ARB2A: variants seen among roughly 807,000 people sequenced by gnomAD.
ARB2A encodes cotranscriptional regulator ARB2A.
At chr5:93,767,997 A>G in the ARB2A span, among the ~76,000 whole-genome samples, 47 of 131,914 alleles carry the variant, frequency 3.6e-4, no homozygotes, top group Middle Eastern at 3.7e-3. Context: ...CCATCTCAAA[A>G]AAAAAAAAAA....
At chr5:94,027,318 A>G in the ARB2A span, among the ~76,000 whole-genome samples, 207 of 152,326 alleles carry the variant, frequency 1.4e-3, no homozygotes, top group African/African-American at 4.9e-3. Flanking sequence ...GCTGGCAGGA[A>G]GCCCTTAGGT....
At chr5:93,633,751 T>G in the ARB2A span, among the ~76,000 whole-genome samples, 1 of 152,200 alleles carries the variant, frequency 6.6e-6, no homozygotes, top group Non-Finnish European at 1.5e-5. Flanking sequence ...TATAATAAAG[T>G]TTTTGAAGGT....
the ARB2A span, among the ~76,000 whole-genome samples, chr5:93,858,017 G>T: frequency 3.3e-5 from 5 of 152,154 alleles, no homozygotes; most frequent in Non-Finnish European, 5.9e-5. Context: ...TAATGGCTAT[G>T]ATTTATTACT....
At chr5:93,721,627 G>C in the ARB2A span, among the ~76,000 whole-genome samples, 2 of 152,108 alleles carry the variant, frequency 1.3e-5, no homozygotes, top group Non-Finnish European at 2.9e-5. Context: ...AAATTATATA[G>C]CTGTGTTTCC....
the ARB2A span, among the ~76,000 whole-genome samples, chr5:93,887,719 CT>C: frequency 2.0e-5 from 3 of 151,860 alleles, no homozygotes; most frequent in Middle Eastern, 6.8e-3. Context: ...CATAAAAGTC[CT>C]TCTGAATAAC....
the ARB2A span, among the ~76,000 whole-genome samples, chr5:93,768,273 C>T: frequency 6.6e-6 from 1 of 151,050 alleles, no homozygotes; most frequent in East Asian, 2.0e-4. Flanking sequence ...GATGGGTGCA[C>T]CAAAACCTCA....
At chr5:93,621,985 T>G in the ARB2A span, among the ~76,000 whole-genome samples, 1 of 152,192 alleles carries the variant, frequency 6.6e-6, no homozygotes, top group Non-Finnish European at 1.5e-5. Flanking sequence ...TTACTACGGC[T>G]TCTCTCTGTG....
At chr5:93,898,753 T>C in the ARB2A span, among the ~76,000 whole-genome samples, 1 of 152,198 alleles carries the variant, frequency 6.6e-6, no homozygotes, top group Admixed American at 6.6e-5. Flanking sequence ...TGAGAAATTA[T>C]ATAATCTGCA....
the ARB2A span, among the ~76,000 whole-genome samples, chr5:93,986,962 T>A: frequency 8.2e-4 from 125 of 152,144 alleles, no homozygotes; most frequent in Middle Eastern, 3.4e-3. Flanking sequence ...ACTATTGTCC[T>A]ATGACCCTGC....
At chr5:93,975,240 C>T in the ARB2A span, among the ~76,000 whole-genome samples, 1 of 150,786 alleles carries the variant, frequency 6.6e-6, no homozygotes, top group African/African-American at 2.4e-5. Context: ...TCCTGTGAAC[C>T]CGGGAGGCGG....
the ARB2A span, chr5:93,739,121 C>G: frequency 6.6e-6 from 1 of 152,146 alleles, no homozygotes; most frequent in Non-Finnish European, 1.5e-5. Flanking sequence ...CTGCCTTGGT[C>G]TCCCAAAGTG....
chr5:93,653,183 TG>T, the ARB2A span, among the ~76,000 whole-genome samples: 2 of 152,052 alleles, frequency 1.3e-5, no homozygotes, highest in African/African-American at 4.8e-5. Context: ...TTGAATATTT[TG>T]GTACAACTTA....
At chr5:93,928,033 T>C in the ARB2A span, among the ~76,000 whole-genome samples, 5 of 152,038 alleles carry the variant, frequency 3.3e-5, no homozygotes, top group African/African-American at 1.2e-4. Context: ...CAACTTTTAG[T>C]CCAGCAGGAA....
At chr5:94,066,441 C>A in the ARB2A span, among the ~76,000 whole-genome samples, 1 of 150,610 alleles carries the variant, frequency 6.6e-6, no homozygotes, top group South Asian at 2.1e-4. Flanking sequence ...CACACACACA[C>A]ACACACACAC....
chr5:93,695,130 C>A, the ARB2A span, among the ~76,000 whole-genome samples: 32 of 152,204 alleles, frequency 2.1e-4, 1 homozygote, highest in African/African-American at 7.2e-4. Flanking sequence ...CAGGCATGAA[C>A]AAAGACTTCA....
At chr5:93,629,577 G>A in the ARB2A span, among the ~76,000 whole-genome samples, 41 of 152,164 alleles carry the variant, frequency 2.7e-4, no homozygotes, top group Middle Eastern at 6.8e-3. Context: ...GCTTAGAATA[G>A]GGAATATCAA....
the ARB2A span, among the ~76,000 whole-genome samples, chr5:93,907,299 A>G: frequency 7.9e-5 from 12 of 151,574 alleles, no homozygotes; most frequent in African/African-American, 2.7e-4. Flanking sequence ...AGTTACAGAA[A>G]TAAAATCCAA....
the ARB2A span, among the ~76,000 whole-genome samples, chr5:93,688,553 T>G: frequency 6.6e-6 from 1 of 152,194 alleles, no homozygotes; most frequent in African/African-American, 2.4e-5. Flanking sequence ...TTTTCCTTTC[T>G]CCTTCATAGT....
At chr5:93,967,346 T>G in the ARB2A span, among the ~76,000 whole-genome samples, 21 of 152,110 alleles carry the variant, frequency 1.4e-4, no homozygotes, top group Non-Finnish European at 2.9e-4. Context: ...TAGGTACTAC[T>G]GACCTTACAA....
Sources: allele counts gnomAD v4.1 joint callset (sites outside exome capture counted in the v4.1 genomes callset), GRCh38; gene constraint gnomAD v4.1.1; transcripts MANE v1.5; gene names NCBI Gene and HGNC (gene_info 2026-07-23, HGNC 2026-07-21).